Variants in KCNJ15 observed in about 807,000 individuals in gnomAD.
KCNJ15 encodes the protein potassium inwardly rectifying channel subfamily J member 15, also known as ATP-sensitive inward rectifier potassium channel 15.
KCNJ15 carries 14 observed loss-of-function variants against 23.0 expected under a neutral mutation model. That is an observed-to-expected ratio of 0.61 (90% CI 0.40 to 0.95). The LOEUF (loss-of-function observed/expected upper bound fraction) is 0.95, where lower values mean the gene tolerates loss of function less well. Among genes scored for constraint, KCNJ15 ranks in the 40% least tolerant of loss-of-function variants. The probability of loss-of-function intolerance (pLI) is 0.00; values close to 1 mark genes in which losing one functional copy is unlikely to be tolerated. For synonymous variants in KCNJ15, 185 were observed against 183.2 expected, an observed-to-expected ratio of 1.01 and a Z score of -0.08; for missense variants, 388 against 461.8, an observed-to-expected ratio of 0.84 and a Z score of 1.46.
chr21:38,262,859 G>C (rs1438053969), intron 1 of KCNJ15, among the ~76,000 whole-genome samples: 2 of 151,982 alleles, frequency 1.3e-5, no homozygotes, highest in African/African-American at 4.8e-5. Context: ...TGTATTTTCA[G>C]TAGAGATGGG....
At chr21:38,236,209 C>T (rs778530405) in intron 1 of KCNJ15, among the ~76,000 whole-genome samples, 9 of 152,192 alleles carry the variant, frequency 5.9e-5, no homozygotes, top group Non-Finnish European at 7.3e-5. Flanking sequence ...GTGAGTCTAG[C>T]TTTCAGTTTC....
At chr21:38,262,232 A>G (rs1004711355) in intron 1 of KCNJ15, among the ~76,000 whole-genome samples, 1 of 152,166 alleles carries the variant, frequency 6.6e-6, no homozygotes, top group Non-Finnish European at 1.5e-5. Flanking sequence ...TACTCTTCCT[A>G]CCAACGCCAT....
intron 2 of KCNJ15, among the ~76,000 whole-genome samples, chr21:38,298,768 A>T (rs571305469): frequency 2.2e-4 from 34 of 152,342 alleles, no homozygotes; most frequent in African/African-American, 8.2e-4. Context: ...ATAATTTTAA[A>T]TTTTCTATAA....
intron 1 of KCNJ15, among the ~76,000 whole-genome samples, chr21:38,240,604 T>A (rs1978932682): frequency 6.6e-6 from 1 of 152,184 alleles, no homozygotes; most frequent in African/African-American, 2.4e-5. Context: ...TCCAAAACAG[T>A]TTTAATTTTT....
rs1339426725 is a variant in KCNJ15, at chr21:38,299,861, C to T, written c.600C>T (p.Ala200=). ...AGCTGTGCTTGGTGATTCAGGTAGCCAATATGAGGAAGAGCCTCTTGATTC... is the reference window on the plus strand; with the variant it reads ...AGCTGTGCTTGGTGATTCAGGTAGCTAATATGAGGAAGAGCCTCTTGATTC... ...NGKLCLVIQV[A]NMRKSLLIQC... The change falls in exon 3 of 3, where the codon GCC becomes GCT. Residue 200 remains alanine (A), a synonymous_variant. Transcript: ENST00000398938. The surrounding 1 kb of genome is among the most constrained non-coding windows in gnomAD (Gnocchi z 4.5). 1 of 1,614,064 alleles carries T rather than the reference C, an allele frequency of 6.2e-7. No individual in the cohort carries two copies. The highest frequency in any genetic ancestry group is 1.1e-5 in the South Asian group (1 of 91,088).
At chr21:38,234,440 C>T (rs573530341) in intron 1 of KCNJ15, among the ~76,000 whole-genome samples, 11 of 152,218 alleles carry the variant, frequency 7.2e-5, no homozygotes, top group East Asian at 1.9e-4. Flanking sequence ...GGTTCCTGGC[C>T]GACTAAAGAG....
rs1431941406 is a variant in KCNJ15, at chr21:38,264,402, C to T, written c.-117+7217C>T. ...TCCCCATTCCCGGAGATAGCTGGTT[C>T]GCCCTGCTTGGCCCCACTTTACAAT... On this transcript the variant is annotated intron_variant, in intron 1 of 2. Transcript: ENST00000398938. Among the ~76,000 whole-genome samples, 3 of 152,180 alleles carry T rather than the reference C, an allele frequency of 2.0e-5. No homozygotes were observed. The East Asian group carries it at 5.8e-4, about 29-fold the overall frequency.
intron 1 of KCNJ15, among the ~76,000 whole-genome samples, chr21:38,261,148 C>T (rs981852856): frequency 1.3e-5 from 2 of 152,194 alleles, no homozygotes; most frequent in Non-Finnish European, 1.5e-5. Context: ...GTTTCATTCA[C>T]ATCCTGCTTC....
intron 1 of KCNJ15, chr21:38,237,325 G>A (rs1978675687): frequency 6.6e-6 from 1 of 152,246 alleles, no homozygotes; most frequent in African/African-American, 2.4e-5. Context: ...AGGCTGGGGT[G>A]AAGGCTTTTG....
At chr21:38,289,303 A>G (rs897156664) in intron 1 of KCNJ15, among the ~76,000 whole-genome samples, 8 of 152,210 alleles carry the variant, frequency 5.3e-5, no homozygotes, top group Middle Eastern at 3.4e-3. Flanking sequence ...GACAAACCCA[A>G]ACGCTGTGGA....
chr21:38,274,835 A>G (rs1569001387), intron 1 of KCNJ15, among the ~76,000 whole-genome samples: 1 of 152,000 alleles, frequency 6.6e-6, no homozygotes, highest in African/African-American at 2.4e-5. Flanking sequence ...TCTTCTCTTT[A>G]ATACAGGCAG....
chr21:38,288,792 C>A (rs1984257027), intron 1 of KCNJ15, among the ~76,000 whole-genome samples: 1 of 152,196 alleles, frequency 6.6e-6, no homozygotes, highest in Admixed American at 6.5e-5. Flanking sequence ...CAGTCTCAAG[C>A]ATCTTCTTAT....
At chr21:38,292,849 A>G (rs1468637008) in intron 1 of KCNJ15, among the ~76,000 whole-genome samples, 4 of 151,822 alleles carry the variant, frequency 2.6e-5, no homozygotes, top group Admixed American at 6.6e-5. Context: ...GGTGCCTGTA[A>G]TCCCAGCTGC....
intron 1 of KCNJ15, among the ~76,000 whole-genome samples, chr21:38,285,081 G>A (rs73211954): frequency 6.6e-6 from 1 of 152,284 alleles, no homozygotes; most frequent in Non-Finnish European, 1.5e-5. Context: ...ATAAATAAAT[G>A]TTAAAGTGTT....
At chr21:38,240,268 A>C (rs1978903700) in intron 1 of KCNJ15, among the ~76,000 whole-genome samples, 1 of 152,212 alleles carries the variant, frequency 6.6e-6, no homozygotes, top group Non-Finnish European at 1.5e-5. Flanking sequence ...AAGAATAAAA[A>C]CAAGGAGGAA....
chr21:38,283,929 G>T (rs1983617173), intron 1 of KCNJ15, among the ~76,000 whole-genome samples: 1 of 152,142 alleles, frequency 6.6e-6, no homozygotes, highest in Admixed American at 6.5e-5. Flanking sequence ...ACTCTGCCTG[G>T]TCTTAAGGCT....
At chr21:38,269,733 T>G (rs1981883039) in intron 1 of KCNJ15, among the ~76,000 whole-genome samples, 1 of 152,148 alleles carries the variant, frequency 6.6e-6, no homozygotes, top group Admixed American at 6.5e-5. Context: ...GAAACCACAA[T>G]ACTCTCTGAA....
In KCNJ15 at chr21:38,301,043, C is replaced by T. The variant is rs1170489628; in HGVS notation, c.*654C>T. Reference sequence around the variant, plus strand: ...ACAAATGGGGCTGATGCCATTGTTTCCTCTATTTTATTTTATTTATTTTTG... The same window carrying T: ...ACAAATGGGGCTGATGCCATTGTTTTCTCTATTTTATTTTATTTATTTTTG... On this transcript the variant is annotated 3_prime_UTR_variant, in exon 3 of 3. Transcript: ENST00000398938. The T allele has an allele frequency of 6.0e-6, 1 of 166,828 alleles. No individual in the cohort carries two copies. The highest frequency in any genetic ancestry group is 1.5e-5 in the Non-Finnish European group (1 of 68,106). 10.3% of individuals were successfully genotyped at this position (166,828 alleles called of 1,614,324 possible).
intron 1 of KCNJ15, among the ~76,000 whole-genome samples, chr21:38,273,884 A>G (rs1393631946): frequency 6.6e-6 from 1 of 152,240 alleles, no homozygotes; most frequent in Non-Finnish European, 1.5e-5. Flanking sequence ...GGACTAATTG[A>G]TAGCTAGCAA....
Sources: allele counts gnomAD v4.1 joint callset (sites outside exome capture counted in the v4.1 genomes callset), GRCh38; gene constraint gnomAD v4.1.1; non-coding constraint Gnocchi (gnomAD v3.1); transcripts MANE v1.5; gene names NCBI Gene and HGNC (gene_info 2026-07-23, HGNC 2026-07-21).